The following SHLD2 variants were observed in gnomAD, a reference collection of about 807,000 sequenced individuals.
SHLD2 encodes RINN1-REV7-interacting novel NHEJ regulator 2.
A neutral mutation model predicts 73.2 loss-of-function variants in SHLD2; 30 were observed. The ratio of observed to expected loss-of-function variants is 0.41; its 90% CI spans 0.31 to 0.56. The LOEUF (loss-of-function observed/expected upper bound fraction) is 0.56, where lower values mean the gene tolerates loss of function less well. Ranked by LOEUF, SHLD2 falls within the 20% of genes least tolerant of loss-of-function variation. SHLD2 has a pLI of 0.28. For synonymous variants in SHLD2, 285 were observed against 370.1 expected, an observed-to-expected ratio of 0.77 and a Z score of 2.64; for missense variants, 745 against 1,055.9, an observed-to-expected ratio of 0.71 and a Z score of 4.08.
intron 9 of SHLD2, among the ~76,000 whole-genome samples, chr10:87,189,620 A>G (rs1396221631): frequency 6.6e-6 from 1 of 152,206 alleles, no homozygotes; most frequent in African/African-American, 2.4e-5. Context: ...CATCCAAGAA[A>G]GACTGTGATA....
intron 2 of SHLD2, among the ~76,000 whole-genome samples, chr10:87,141,161 G>GGGACTACA (rs924215261): frequency 2.6e-5 from 4 of 152,162 alleles, no homozygotes; most frequent in African/African-American, 9.6e-5. Flanking sequence ...TGGGCCTGTA[G>GGGACTACA]TCCTATCTAC....
intron 2 of SHLD2, among the ~76,000 whole-genome samples, chr10:87,114,829 A>G (rs891129454): frequency 6.6e-6 from 1 of 152,202 alleles, no homozygotes; most frequent in African/African-American, 2.4e-5. Context: ...CTGAATAGCC[A>G]AAATATATTT....
At chr10:87,175,026 A>T (rs1240333424) in intron 6 of SHLD2, among the ~76,000 whole-genome samples, 1 of 150,956 alleles carries the variant, frequency 6.6e-6, no homozygotes, top group Non-Finnish European at 1.5e-5. Flanking sequence ...CTGAGGCAGG[A>T]GAATGGCTAG....
In SHLD2 at chr10:87,170,667, T is replaced by G; in HGVS notation, c.1823T>G (p.Leu608Arg). ...AVLRVVDFTI[L>R]TEAVYSYRGQ... ...CTAAGAGTTGTTGATTTCACTATAC[T>G]GACAGGTAAATATTTTGACTGCCTC... is the stretch of plus-strand genomic sequence containing the variant. Residue 608 changes from leucine (L) to arginine (R), a missense_variant, in exon 5 of 10, where the codon CTG becomes CGG. By Grantham distance (102) the Leu-to-Arg change is moderately radical. Transcript: ENST00000298786. The G allele has an allele frequency of 1.2e-6, 2 of 1,602,788 alleles. No homozygotes were observed. Among genetic ancestry groups the G allele is most frequent in the Non-Finnish European group, 1.7e-6 (2 of 1,176,016 alleles).
intron 3 of SHLD2, among the ~76,000 whole-genome samples, chr10:87,156,355 G>A (rs542362548): frequency 3.3e-5 from 5 of 152,220 alleles, no homozygotes; most frequent in South Asian, 2.1e-4. Context: ...GTGAGCCATC[G>A]CGCCCGGCCC....
intron 2 of SHLD2, among the ~76,000 whole-genome samples, chr10:87,120,130 G>T (rs4934300): frequency 0.69 from 104,699 of 151,812 alleles, 36,709 homozygotes; most frequent in East Asian, 0.84. Context: ...TTGCAACTTC[G>T]GTAACCTTGA....
intron 2 of SHLD2, among the ~76,000 whole-genome samples, chr10:87,110,283 C>T (rs1012164697): frequency 2.0e-5 from 3 of 151,124 alleles, no homozygotes; most frequent in East Asian, 3.9e-4. Flanking sequence ...GAGAGAGACC[C>T]TGTCTCTCAA....
At position 87,170,870 on chromosome 10, in the gene SHLD2, A is replaced by C; in HGVS notation, c.1859A>C (p.Gln620Pro). 1 of 1,611,618 alleles carries C rather than the reference A, an allele frequency of 6.2e-7. No individual in the cohort carries two copies. The highest frequency in any genetic ancestry group is 2.2e-5 in the East Asian group (1 of 44,860). ...GTATACAGTTATAGAGGACAGAAGC[A>C]GAAAAAAGTTATGTTAACAGTGGAA... ...EAVYSYRGQK[Q>P]KKVMLTVEQA... is the part of the protein sequence containing the mutation. The change falls in exon 6 of 10, where the codon CAG becomes CCG. Residue 620 changes from glutamine (Q) to proline (P), a missense_variant. Physicochemically the swap from Gln to Pro is moderately conservative, Grantham distance 76. Around this residue, in one of 5 missense-constraint regions of SHLD2, gnomAD observed 418 missense variants for 567.8 expected, o/e 0.74. Transcript: ENST00000298786.
intron 4 of SHLD2, among the ~76,000 whole-genome samples, chr10:87,168,997 T>A (rs1201402567): frequency 6.6e-6 from 1 of 152,188 alleles, no homozygotes; most frequent in African/African-American, 2.4e-5. Flanking sequence ...GTTCTGATAA[T>A]GTGACAGGAA....
intron 2 of SHLD2, among the ~76,000 whole-genome samples, chr10:87,145,218 A>T (rs1392971153): frequency 6.6e-6 from 1 of 152,062 alleles, no homozygotes; most frequent in Non-Finnish European, 1.5e-5. Flanking sequence ...AGTAATTCTT[A>T]AAAGAGTTCG....
chr10:87,146,171 A>G (rs1461259766), intron 2 of SHLD2, among the ~76,000 whole-genome samples: 2 of 152,194 alleles, frequency 1.3e-5, no homozygotes, highest in Non-Finnish European at 2.9e-5. Flanking sequence ...TTCCACACTT[A>G]CAAGGGTATT....
At chr10:87,106,441 T>C (rs1842600871) in intron 2 of SHLD2, among the ~76,000 whole-genome samples, 1 of 152,234 alleles carries the variant, frequency 6.6e-6, no homozygotes, top group South Asian at 2.1e-4. Context: ...ATTCTTAAAT[T>C]TGAAACTAGG....
intron 2 of SHLD2, among the ~76,000 whole-genome samples, chr10:87,111,717 A>G (rs1589444738): frequency 6.6e-6 from 1 of 150,556 alleles, no homozygotes; most frequent in African/African-American, 2.4e-5. Flanking sequence ...GGCTCAAGCA[A>G]CCTGCCTGCT....
intron 2 of SHLD2, among the ~76,000 whole-genome samples, chr10:87,110,593 T>C (rs1188603683): frequency 7.2e-6 from 1 of 139,834 alleles, no homozygotes; most frequent in Non-Finnish European, 1.5e-5. Flanking sequence ...GGTGATGATG[T>C]GAGACTCCAT....
intron 4 of SHLD2, among the ~76,000 whole-genome samples, chr10:87,169,569 GT>G (rs1847441256): frequency 6.6e-6 from 1 of 152,314 alleles, no homozygotes; most frequent in East Asian, 1.9e-4. Flanking sequence ...ACACAAATCA[GT>G]TTATGGAGTC....
intron 2 of SHLD2, among the ~76,000 whole-genome samples, chr10:87,104,807 C>A (rs934852096): frequency 6.6e-6 from 1 of 151,664 alleles, no homozygotes; most frequent in Non-Finnish European, 1.5e-5. Flanking sequence ...ATTACAGGTG[C>A]CTGCCACCAC....
intron 8 of SHLD2, among the ~76,000 whole-genome samples, chr10:87,182,813 G>A (rs3129430): frequency 0.86 from 128,063 of 148,086 alleles, 56,272 homozygotes; most frequent in African/African-American, 0.96. Flanking sequence ...TGGCTCATTC[G>A]TATGGCTGGC....
chr10:87,180,851 T>C (rs1305364047), intron 8 of SHLD2, among the ~76,000 whole-genome samples: 7 of 152,206 alleles, frequency 4.6e-5, no homozygotes, highest in Non-Finnish European at 8.8e-5. Flanking sequence ...ATTACATGTG[T>C]TTACAAAATA....
chr10:87,153,229 C>G (rs1158240811), intron 3 of SHLD2, among the ~76,000 whole-genome samples: 5 of 152,090 alleles, frequency 3.3e-5, no homozygotes, highest in African/African-American at 1.2e-4. Flanking sequence ...TTGAGACCAG[C>G]CTTGGCAACA....
Sources: allele counts gnomAD v4.1 joint callset (sites outside exome capture counted in the v4.1 genomes callset), GRCh38; gene constraint gnomAD v4.1.1; regional missense constraint gnomAD v4.1.1; transcripts MANE v1.5; gene names NCBI Gene and HGNC (gene_info 2026-07-23, HGNC 2026-07-21).